Variants in NAMPT observed in about 807,000 individuals in gnomAD.
NAMPT encodes NAmPRTase.
NAMPT carries 7 observed loss-of-function variants against 58.7 expected under a neutral mutation model. That is an observed-to-expected ratio of 0.12 (90% CI 0.07 to 0.22). The LOEUF is 0.22. NAMPT is among the 10% of genes least tolerant of loss of function. The probability of loss-of-function intolerance (pLI) is 1.00; values close to 1 mark genes in which losing one functional copy is unlikely to be tolerated. For synonymous variants in NAMPT, 145 were observed against 198.1 expected (o/e 0.73, Z 2.25); for missense variants, 271 against 567.9 (o/e 0.48, Z 5.31).
At chr7:106,284,655 C>T in intron 1 of NAMPT, 173 bp downstream of exon 1, 1 of 684,890 alleles carries the variant, frequency 1.5e-6, no homozygotes, top group Non-Finnish European at 1.9e-6. Context: ...CACTGCGGCG[C>T]CTCCTCACCT....
intron 3 of NAMPT, among the ~76,000 whole-genome samples, chr7:106,273,802 G>C (rs1039178888): frequency 1.3e-5 from 2 of 152,074 alleles, no homozygotes; most frequent in Non-Finnish European, 2.9e-5. Flanking sequence ...TACAGGAAAA[G>C]TGCAGCACAG....
chr7:106,272,727 G>C, intron 3 of NAMPT, 69 bp from the exon 4 acceptor site: 1 of 1,547,808 alleles, frequency 6.5e-7, no homozygotes, highest in East Asian at 2.3e-5. Flanking sequence ...TTTTACTAAA[G>C]GTTCTTTACG....
At chr7:106,281,227 A>C (rs1385348459) in intron 1 of NAMPT, among the ~76,000 whole-genome samples, 1 of 151,952 alleles carries the variant, frequency 6.6e-6, no homozygotes, top group Non-Finnish European at 1.5e-5. Context: ...TTTTTAAAAA[A>C]GTATGAGATA....
intron 6 of NAMPT, among the ~76,000 whole-genome samples, chr7:106,264,043 T>C (rs1792363511): frequency 6.6e-6 from 1 of 152,106 alleles, no homozygotes; most frequent in South Asian, 2.1e-4. Flanking sequence ...CTCCCTTCTG[T>C]GAATTTTTGA....
Position 106,269,299 on chromosome 7 carries a change from T to C in NAMPT, c.461A>G (p.Gln154Arg), listed in dbSNP as rs1792485117. 1 of 1,613,094 alleles carries C rather than the reference T, an allele frequency of 6.2e-7. No homozygotes were observed. Among genetic ancestry groups the C allele is most frequent in the Non-Finnish European group, 8.5e-7 (1 of 1,179,148 alleles). ...LTNWIETILV[Q>R]SWYPITVATN... The stretch of plus-strand genomic sequence containing the variant: ...GGCCACTGTGATTGGATACCAGGAC[T>C]GAACAAGAATAGTCTGTAGTAACAA... Residue 154 changes from glutamine (Q) to arginine (R), a missense_variant, in exon 5 of 11, where the codon CAG becomes CGG. Physicochemically the swap from Gln to Arg is conservative, Grantham distance 43. Around this residue, in one of 4 missense-constraint regions of NAMPT, gnomAD observed 103 missense variants for 194.2 expected, o/e 0.53. Transcript: ENST00000222553.
At chr7:106,264,877 G>A (rs960875118) in intron 6 of NAMPT, among the ~76,000 whole-genome samples, 13 of 151,570 alleles carry the variant, frequency 8.6e-5, no homozygotes, top group Admixed American at 2.6e-4. Flanking sequence ...TACAATGTGT[G>A]TGTGTGTTTT....
intron 2 of NAMPT, 194 bp from the exon 3 acceptor site, chr7:106,275,243 A>T (rs1792610350): frequency 2.7e-6 from 1 of 375,384 alleles, no homozygotes; most frequent in African/African-American, 2.1e-5. Context: ...TCAAAGTATA[A>T]ATGTTTATTT....
chr7:106,276,785 T>C (rs1792655163), intron 2 of NAMPT: 1 of 375,860 alleles, frequency 2.7e-6, no homozygotes, highest in Non-Finnish European at 4.9e-6. Flanking sequence ...GAGGTTGCGC[T>C]GAGTTGAGAT....
At chr7:106,267,675 AC>A (rs981175073) in intron 6 of NAMPT, among the ~76,000 whole-genome samples, 3 of 150,750 alleles carry the variant, frequency 2.0e-5, no homozygotes, top group Admixed American at 6.6e-5. Flanking sequence ...CCCCGTCTCT[AC>A]TAAAAATACA....
chr7:106,269,035 G>T, intron 5 of NAMPT, 119 bp downstream of exon 5: 3 of 905,942 alleles, frequency 3.3e-6, no homozygotes, highest in Non-Finnish European at 5.0e-6. Context: ...TGTATCTGTT[G>T]GTTGAATCTT....
At chr7:106,279,672 A>G (rs1246717892) in intron 1 of NAMPT, among the ~76,000 whole-genome samples, 1 of 152,222 alleles carries the variant, frequency 6.6e-6, no homozygotes, top group Non-Finnish European at 1.5e-5. Flanking sequence ...CATACTCTGT[A>G]CCTACTTCAG....
chr7:106,263,900 T>C (rs576844986), intron 6 of NAMPT, among the ~76,000 whole-genome samples: 2 of 152,178 alleles, frequency 1.3e-5, no homozygotes, highest in South Asian at 4.1e-4. Flanking sequence ...GTGTGTTTTC[T>C]GGTATTCCTG....
intron 5 of NAMPT, 48 bp from the exon 6 acceptor site, chr7:106,268,648 A>G (rs1285695877): frequency 2.9e-6 from 4 of 1,394,720 alleles, no homozygotes; most frequent in Non-Finnish European, 3.1e-6. Context: ...AGAAACCCAC[A>G]TTAATAATAC....
At chr7:106,259,760 CTT>C (rs1792270996) in intron 8 of NAMPT, among the ~76,000 whole-genome samples, 1 of 152,056 alleles carries the variant, frequency 6.6e-6, no homozygotes, top group African/African-American at 2.4e-5. Flanking sequence ...TGAAATTACT[CTT>C]TGATGGATAG....
At chr7:106,276,837 G>A (rs1204481260) in intron 2 of NAMPT, 186 bp downstream of exon 2, 9 of 515,436 alleles carry the variant, frequency 1.7e-5, no homozygotes, top group Admixed American at 6.6e-5. Context: ...AGCGAAACTC[G>A]GTTTCCAAAA....
chr7:106,255,222 A>T (rs573406832), intron 8 of NAMPT, among the ~76,000 whole-genome samples: 1 of 152,316 alleles, frequency 6.6e-6, no homozygotes, highest in South Asian at 2.1e-4. Context: ...AGATGTGTTT[A>T]TTACCAATGT....
At chr7:106,268,866 T>C (rs1792477629) in intron 5 of NAMPT, among the ~76,000 whole-genome samples, 1 of 152,200 alleles carries the variant, frequency 6.6e-6, no homozygotes, top group Admixed American at 6.5e-5. Context: ...CTCTCTTCCC[T>C]TACCCTGCCT....
Position 106,282,439 on chromosome 7 carries a change from A to G in NAMPT, c.57+2389T>C, listed in dbSNP as rs1792784249. ...CCAGCTTACAGATGACCCTTTGAGAAGCAACCTACACCGGACAGCACATTT... is the reference window on the plus strand; with the variant it reads ...CCAGCTTACAGATGACCCTTTGAGAGGCAACCTACACCGGACAGCACATTT... On this transcript the variant is annotated intron_variant, in intron 1 of 10. Coordinates refer to ENST00000222553, the MANE Select transcript of NAMPT (RefSeq NM_005746.3). Among the ~76,000 whole-genome samples, 3 of 152,254 alleles carry G rather than the reference A, an allele frequency of 2.0e-5. No individual in the cohort carries two copies. The South Asian group carries it at 6.2e-4, about 31-fold the overall frequency.
In NAMPT at chr7:106,272,559, C is replaced by G; in HGVS notation, c.418G>C (p.Glu140Gln). 6.2e-7 allele frequency: 1 copy of G among 1,612,646 alleles called. No individual in the cohort carries two copies. The highest frequency in any genetic ancestry group is 1.1e-5 in the South Asian group (1 of 90,992). ...ATCCAATTTGTAAGCCAGTAACACT[C>G]TGGATCTGTGTTTTCCACCGTGAAG... is the stretch of plus-strand genomic sequence containing the variant. ...VLFTVENTDP[E>Q]CYWLTNWIET... is the part of the protein sequence containing the mutation. Residue 140 changes from glutamate (E) to glutamine (Q), a missense_variant, in exon 4 of 11, where the codon GAG becomes CAG. This residue lies in a region of NAMPT where 103 missense variants were observed against 194.2 expected (regional missense o/e 0.53). Transcript: ENST00000222553.
Sources: allele counts gnomAD v4.1 joint callset (sites outside exome capture counted in the v4.1 genomes callset), GRCh38; gene constraint gnomAD v4.1.1; regional missense constraint gnomAD v4.1.1; transcripts MANE v1.5; gene names NCBI Gene and HGNC (gene_info 2026-07-23, HGNC 2026-07-21).